The following ZNF622 variants were observed in gnomAD, a reference collection of about 807,000 sequenced individuals.
The protein encoded by ZNF622 is zinc finger protein 622.
ZNF622 carries 34 observed loss-of-function variants against 49.7 expected under a neutral mutation model. That is an observed-to-expected ratio of 0.68 (90% CI 0.52 to 0.91). ZNF622 has a LOEUF of 0.91. ZNF622 is among the 40% of genes least tolerant of loss of function. The pLI is 0.00. For synonymous variants in ZNF622, 209 were observed against 228.7 expected, an observed-to-expected ratio of 0.91 and a Z score of 0.78; for missense variants, 569 against 616.4, an observed-to-expected ratio of 0.92 and a Z score of 0.81.
At chr5:16,461,582 G>A (rs535159635) in intron 3 of ZNF622, among the ~76,000 whole-genome samples, 6 of 152,306 alleles carry the variant, frequency 3.9e-5, no homozygotes, top group African/African-American at 9.6e-5. Context: ...TTTGGTGATC[G>A]ATTCTAATGT....
rs370025271 is a variant in ZNF622, at chr5:16,458,656, A to G, written c.1050-27T>C. ...TATAACAGAGAAATTGCACTAATAA[A>G]TAGACTAATATCTCAAATTGAACTA... On this transcript the variant is annotated intron_variant, in intron 3 of 5. Coordinates refer to ENST00000308683, the MANE Select transcript of ZNF622 (RefSeq NM_033414.3). 8 of 1,445,782 alleles carry G rather than the reference A, an allele frequency of 5.5e-6. No homozygotes were observed. In the African/African-American group the frequency reaches 1.0e-4, roughly 18 times the overall value. The allele number at this position is 1,445,782 out of a possible 1,614,324, so 89.6% of individuals were successfully genotyped here.
intron 3 of ZNF622, among the ~76,000 whole-genome samples, chr5:16,461,480 T>A (rs945330800): frequency 6.6e-6 from 1 of 152,212 alleles, no homozygotes; most frequent in Non-Finnish European, 1.5e-5. Context: ...AGGCGAAAGA[T>A]GATGGTGCCC....
At chr5:16,453,310 G>A (rs993532078) in intron 4 of ZNF622, among the ~76,000 whole-genome samples, 154 bp from the exon 5 acceptor site, 4 of 151,968 alleles carry the variant, frequency 2.6e-5, no homozygotes, top group African/African-American at 9.7e-5. Flanking sequence ...ACTAAAGACA[G>A]ATGAAGCAGC....
In ZNF622 at chr5:16,465,010, T is replaced by C. The variant is rs1738189746; in HGVS notation, c.625+31A>G. The stretch of plus-strand genomic sequence containing the variant: ...AACTTAAGGGTGGGCCAAGTTCCTC[T>C]TTACCCTCCCCGCCCAGACAGGGCC... On this transcript the variant is annotated intron_variant, in intron 1 of 5. Transcript: ENST00000308683. This position sits in a 1 kb window ranked among gnomAD's most constrained non-coding sequence, Gnocchi z 6.2. The C allele has an allele frequency of 1.3e-6, 2 of 1,537,786 alleles. No individual in the cohort carries two copies. The highest frequency in any genetic ancestry group is 1.4e-5 in the African/African-American group (1 of 72,264).
intron 4 of ZNF622, among the ~76,000 whole-genome samples, chr5:16,456,494 TTA>T (rs1333113685): frequency 8.5e-5 from 13 of 152,280 alleles, no homozygotes; most frequent in Admixed American, 7.2e-4. Context: ...GTAACTAGAT[TTA>T]GTGTCCCAGC....
At chr5:16,455,701 G>A (rs1738013964) in intron 4 of ZNF622, among the ~76,000 whole-genome samples, 1 of 152,184 alleles carries the variant, frequency 6.6e-6, no homozygotes, top group South Asian at 2.1e-4. Flanking sequence ...AGGTGATAAT[G>A]TTGGTCATTA....
rs1161127796 is a variant in ZNF622 at position 16,465,223 on chromosome 5, G to T, written c.443C>A (p.Pro148His). 6.2e-7 allele frequency: 1 copy of T among 1,614,184 alleles called. No homozygotes were observed. Among genetic ancestry groups the T allele is most frequent in the East Asian group, 2.2e-5 (1 of 44,882 alleles). Residue 148 changes from proline (P) to histidine (H), a missense_variant, in exon 1 of 6, where the codon CCC becomes CAC. Coordinates refer to ENST00000308683, the MANE Select transcript of ZNF622 (RefSeq NM_033414.3). The surrounding 1 kb of genome is among the most constrained non-coding windows in gnomAD (Gnocchi z 6.2). The stretch of plus-strand genomic sequence containing the variant: ...CCTGGCCTCCTTTGCAGGCGCTGGG[G>T]GCGCCTTCTTGGGAGACATGGACGG... Reference protein sequence around the residue: ...AQPSMSPKKAPPAPAKEARNV... With the variant: ...AQPSMSPKKAHPAPAKEARNV...
chr5:16,463,593 G>A lies in ZNF622; in HGVS notation c.775C>T (p.His259Tyr). 1 of 1,614,146 alleles carries A rather than the reference G, an allele frequency of 6.2e-7. No homozygotes were observed. Reference sequence around the variant, plus strand: ...TTCTTCATCAGCGAGCTGGAATGATGGGAACAAAATAAGCAGTCCGTGATA... The same window carrying A: ...TTCTTCATCAGCGAGCTGGAATGATAGGAACAAAATAAGCAGTCCGTGATA... The part of the protein sequence containing the change: ...IPITDCLFCS[H>Y]HSSSLMKNVA... Residue 259 changes from histidine (H) to tyrosine (Y), a missense_variant, in exon 2 of 6, where the codon CAT becomes TAT. Coordinates refer to ENST00000308683, the MANE Select transcript of ZNF622 (RefSeq NM_033414.3). The surrounding 1 kb of genome is among the most constrained non-coding windows in gnomAD (Gnocchi z 4.2).
Position 16,465,764 on chromosome 5 carries a change from A to C in ZNF622, c.-99T>G. 1 of 1,467,374 alleles carries C rather than the reference A, an allele frequency of 6.8e-7. No homozygotes were observed. Among genetic ancestry groups the C allele is most frequent in the African/African-American group, 1.4e-5 (1 of 70,770 alleles). 90.9% of individuals were successfully genotyped at this position (1,467,374 alleles called of 1,614,324 possible). A position where few individuals can be genotyped will look rare whatever the true frequency, so the allele number is the denominator to read the frequency against. On this transcript the variant is annotated 5_prime_UTR_variant, in exon 1 of 6. Coordinates refer to ENST00000308683, the MANE Select transcript of ZNF622 (RefSeq NM_033414.3). This position sits in a 1 kb window ranked among gnomAD's most constrained non-coding sequence, Gnocchi z 6.2. ...ACCTTAACCCGCCTCAGCAGCCAGGAAGAGCCACTCGACACGCCGACTTCC... is the reference window on the plus strand; with the variant it reads ...ACCTTAACCCGCCTCAGCAGCCAGGCAGAGCCACTCGACACGCCGACTTCC...
chr5:16,460,899 T>G (rs757500669), intron 3 of ZNF622, among the ~76,000 whole-genome samples: 19 of 152,014 alleles, frequency 1.2e-4, no homozygotes, highest in African/African-American at 4.1e-4. Flanking sequence ...CAACACCCAG[T>G]AAAGAACAAG....
In ZNF622 at chr5:16,463,756, T is replaced by A; in HGVS notation, c.626-14A>T. ...TATCTTCCCAATCTGCAAGCCAGAA[T>A]TTTGAAATATAAAGTTTAAGAAAAG... On this transcript the variant is annotated splice_polypyrimidine_tract_variant and intron_variant, in intron 1 of 5. Transcript: ENST00000308683. The surrounding 1 kb of genome is among the most constrained non-coding windows in gnomAD (Gnocchi z 4.2). The A allele has an allele frequency of 1.2e-6, 2 of 1,607,974 alleles. No homozygotes were observed. Among genetic ancestry groups the A allele is most frequent in the Non-Finnish European group, 1.7e-6 (2 of 1,176,444 alleles).
intron 4 of ZNF622, among the ~76,000 whole-genome samples, chr5:16,454,381 G>A (rs1561067941): frequency 6.6e-6 from 1 of 151,264 alleles, no homozygotes; most frequent in Admixed American, 6.6e-5. Flanking sequence ...CCAGCTACTC[G>A]GGAGGCTGAG....
chr5:16,463,139 C>T lies in ZNF622; in HGVS notation c.1018G>A (p.Ala340Thr), dbSNP rs763016475. Residue 340 changes from alanine to threonine, a missense_variant, in exon 3 of 6, where the codon GCT (alanine) becomes ACT (threonine). Transcript: ENST00000308683. This position sits in a 1 kb window ranked among gnomAD's most constrained non-coding sequence, Gnocchi z 4.2. ...HCKLFTDGDA[A>T]LEFADFYDFR... ...TCATAGAAGTCTGCAAATTCCAAAG[C>T]AGCATCGCCATCTGTGAAGAGCTTA... 7 of 1,610,992 alleles carry T rather than the reference C, an allele frequency of 4.3e-6. No homozygotes were observed. The South Asian group carries it at 6.7e-5, about 15-fold the overall frequency.
rs772128558 is a variant in ZNF622 at position 16,463,623 on chromosome 5, T to C, written c.745A>G (p.Ile249Val). 1 of 1,614,232 alleles carries C rather than the reference T, an allele frequency of 6.2e-7. No homozygotes were observed. Among genetic ancestry groups the C allele is most frequent in the Non-Finnish European group, 8.5e-7 (1 of 1,180,042 alleles). ...CAAAATAAGCAGTCCGTGATAGGGA[T>C]GGCACCAAGGGGTGGGCCTTCCTCA... ...EAEEGPPLGAIPITDCLFCSH... is the reference protein window; with the variant it reads ...EAEEGPPLGAVPITDCLFCSH... The change falls in exon 2 of 6, where the codon ATC becomes GTC. Residue 249 changes from isoleucine (I) to valine (V), a missense_variant. By Grantham distance (29) the Ile-to-Val change is conservative. Transcript: ENST00000308683. This position sits in a 1 kb window ranked among gnomAD's most constrained non-coding sequence, Gnocchi z 4.2.
chr5:16,458,744 G>A, intron 3 of ZNF622, 115 bp from the exon 4 acceptor site: 1 of 658,710 alleles, frequency 1.5e-6, no homozygotes, highest in Non-Finnish European at 2.5e-6. Context: ...GGAGAGGGGA[G>A]GAAGCAGCTG....
At position 16,453,411 on chromosome 5, in the gene ZNF622, A is replaced by G. The variant is rs532554523; in HGVS notation, c.1163-255T>C. 4.0e-5 allele frequency among the ~76,000 whole-genome samples: 6 copies of G among 151,822 alleles called. No individual in the cohort carries two copies. In the East Asian group the frequency reaches 1.2e-3, roughly 29 times the overall value. ...TTTTTTAAAAAGAAAATGACAAGTC[A>G]CTGTTAAGTGAAAAACTTAGCATTG... On this transcript the variant is annotated intron_variant, in intron 4 of 5. Transcript: ENST00000308683.
intron 3 of ZNF622, among the ~76,000 whole-genome samples, chr5:16,459,223 C>A (rs1738084177): frequency 6.6e-6 from 1 of 152,108 alleles, no homozygotes; most frequent in Non-Finnish European, 1.5e-5. Context: ...TTCATAGATA[C>A]ACATGAAAAA....
Position 16,451,790 on chromosome 5 carries a change from A to G in ZNF622, c.1307-6T>C. 4 of 1,608,270 alleles carry G rather than the reference A, an allele frequency of 2.5e-6. No homozygotes were observed. The highest frequency in any genetic ancestry group is 3.4e-6 in the Non-Finnish European group (4 of 1,178,260). ...CTCTCGCATAAGAGCCGCTCCTATG[A>G]TTGGAAGGCAGTTAAGAAATTAGGC... On this transcript the variant is annotated splice_polypyrimidine_tract_variant and splice_region_variant and intron_variant, in intron 5 of 5. Coordinates refer to ENST00000308683, the MANE Select transcript of ZNF622 (RefSeq NM_033414.3).
At chr5:16,457,143 T>C (rs1007427455) in intron 4 of ZNF622, among the ~76,000 whole-genome samples, 2 of 152,268 alleles carry the variant, frequency 1.3e-5, no homozygotes, top group Admixed American at 6.5e-5. Flanking sequence ...ATTTCTTGAA[T>C]AGATATGCTC....
Sources: allele counts gnomAD v4.1 joint callset (sites outside exome capture counted in the v4.1 genomes callset), GRCh38; gene constraint gnomAD v4.1.1; non-coding constraint Gnocchi (gnomAD v3.1); transcripts MANE v1.5; gene names NCBI Gene and HGNC (gene_info 2026-07-23, HGNC 2026-07-21).